Variants in ZCCHC4 observed in about 807,000 individuals in gnomAD.
ZCCHC4 encodes rRNA N(6)-adenosine-methyltransferase ZCCHC4.
In ZCCHC4, 54 loss-of-function variants were observed where a neutral mutation model predicts 67.7. The ratio of observed to expected loss-of-function variants is 0.80; its 90% CI spans 0.64 to 1.00. The LOEUF is 1.00. ZCCHC4 is among the 50% of genes least tolerant of loss of function. The pLI is 0.00. For synonymous variants in ZCCHC4, 198 were observed against 213.5 expected (o/e 0.93, Z 0.63); for missense variants, 609 against 617.0 (o/e 0.99, Z 0.14).
intron 10 of ZCCHC4, 62 bp downstream of exon 10, chr4:25,362,363 G>A: frequency 8.8e-7 from 1 of 1,133,908 alleles, no homozygotes; most frequent in Non-Finnish European, 1.2e-6. Context: ...TAGTTTACTA[G>A]TTTTATTACT....
chr4:25,361,941 C>T lies in ZCCHC4; in HGVS notation c.1094C>T (p.Pro365Leu), dbSNP rs200115136. Residue 365 changes from proline (P) to leucine (L), a missense_variant, in exon 9 of 13, where the codon CCG becomes CTG. Transcript: ENST00000302874. ...CCCGTGCGTATTTTCACCAACATTC[C>T]GCCCAACAAAATAATCCTTCCTACT... Reference protein sequence around the residue: ...QSPVRIFTNIPPNKIILPTEE... With the variant: ...QSPVRIFTNILPNKIILPTEE... The T allele has an allele frequency of 1.3e-4, 211 of 1,613,924 alleles. No individual in the cohort carries two copies. The African/African-American group carries it at 2.4e-3, about 18-fold the overall frequency.
intron 3 of ZCCHC4, among the ~76,000 whole-genome samples, chr4:25,332,975 T>C (rs1167883316): frequency 2.0e-5 from 3 of 152,246 alleles, no homozygotes; most frequent in African/African-American, 4.8e-5. Context: ...TCAATTCTTA[T>C]GAAATTGCTG....
intron 1 of ZCCHC4, among the ~76,000 whole-genome samples, chr4:25,313,645 C>G (rs930640036): frequency 1.3e-5 from 2 of 152,080 alleles, no homozygotes; most frequent in African/African-American, 4.8e-5. Flanking sequence ...GGGGCCGAGG[C>G]GGGCTGATCG....
chr4:25,320,989 A>G (rs991292100), intron 3 of ZCCHC4, among the ~76,000 whole-genome samples: 1 of 152,032 alleles, frequency 6.6e-6, no homozygotes, highest in Non-Finnish European at 1.5e-5. Context: ...TGATTTTGCA[A>G]CTTCTGCCTT....
chr4:25,340,167 C>T (rs549875575), intron 5 of ZCCHC4, among the ~76,000 whole-genome samples: 3 of 152,272 alleles, frequency 2.0e-5, no homozygotes, highest in East Asian at 3.9e-4. Context: ...CGTGCCTGGC[C>T]TGCTAATTTT....
chr4:25,346,460 A>G (rs1309145756), intron 6 of ZCCHC4, among the ~76,000 whole-genome samples: 1 of 152,250 alleles, frequency 6.6e-6, no homozygotes, highest in African/African-American at 2.4e-5. Context: ...ATGCATATAT[A>G]TCAATTTTGT....
chr4:25,319,626 A>G (rs58964951), intron 3 of ZCCHC4, among the ~76,000 whole-genome samples: 12,069 of 152,116 alleles, frequency 0.079, 533 homozygotes, highest in South Asian at 0.11. Context: ...GAAAATATTC[A>G]GTGTCTTAAG....
At chr4:25,364,884 T>C in intron 11 of ZCCHC4, 138 bp from the exon 12 acceptor site, 1 of 1,200,934 alleles carries the variant, frequency 8.3e-7, no homozygotes, top group Non-Finnish European at 1.1e-6. Context: ...CTGGTCTCTT[T>C]AGCCAAACTA....
chr4:25,345,725 C>T, intron 6 of ZCCHC4, 105 bp downstream of exon 6: 1 of 737,528 alleles, frequency 1.4e-6, no homozygotes, highest in South Asian at 1.7e-5. Context: ...CAAATTGTGG[C>T]TGTTCTACCA....
chr4:25,344,980 T>G (rs570857494), intron 5 of ZCCHC4, among the ~76,000 whole-genome samples: 1 of 152,190 alleles, frequency 6.6e-6, no homozygotes, highest in East Asian at 1.9e-4. Context: ...TTTTTGTATT[T>G]TTTGTAGAGG....
At chr4:25,323,918 C>T (rs971418764) in intron 3 of ZCCHC4, among the ~76,000 whole-genome samples, 1 of 151,916 alleles carries the variant, frequency 6.6e-6, no homozygotes, top group Admixed American at 6.6e-5. Context: ...CTAGGGTCCC[C>T]AGACATCCAC....
At chr4:25,337,285 TAGTG>T (rs919124680) in intron 5 of ZCCHC4, among the ~76,000 whole-genome samples, 2 of 152,234 alleles carry the variant, frequency 1.3e-5, no homozygotes, top group Admixed American at 1.3e-4. Context: ...CTAGTTGAGA[TAGTG>T]AGCCTCACAC....
At chr4:25,352,312 C>T in intron 8 of ZCCHC4, 3 of 985,432 alleles carry the variant, frequency 3.0e-6, no homozygotes, top group Non-Finnish European at 3.6e-6. Flanking sequence ...CTTTTAAGTT[C>T]ATTCTGCTTT....
Position 25,338,668 on chromosome 4 carries a change from C to T in ZCCHC4, c.686+4680C>T, listed in dbSNP as rs550071970. On this transcript the variant is annotated intron_variant, in intron 5 of 12. Transcript: ENST00000302874. ...TAATACTCTGTGTGGCCTTTTGTGT[C>T]AGACTTCTTTCACTTAGCATAAAGT... Among the ~76,000 whole-genome samples, 14 of 152,284 alleles carry T rather than the reference C, an allele frequency of 9.2e-5. No individual in the cohort carries two copies. The South Asian group carries it at 2.9e-3, about 32-fold the overall frequency.
chr4:25,362,427 T>C (rs1002924255), intron 10 of ZCCHC4, 126 bp downstream of exon 10: 1 of 533,574 alleles, frequency 1.9e-6, no homozygotes, highest in African/African-American at 1.9e-5. Flanking sequence ...TATCATTTAT[T>C]AATTATGCTA....
chr4:25,355,116 C>T (rs533043268), intron 8 of ZCCHC4, among the ~76,000 whole-genome samples: 2 of 152,154 alleles, frequency 1.3e-5, no homozygotes, highest in Non-Finnish European at 2.9e-5. Flanking sequence ...AAACAGTCAT[C>T]AAAGACCTAG....
intron 3 of ZCCHC4, among the ~76,000 whole-genome samples, chr4:25,331,967 A>C (rs2109063116): frequency 6.6e-6 from 1 of 152,348 alleles, no homozygotes; most frequent in East Asian, 1.9e-4. Flanking sequence ...ATTACATGTT[A>C]AGCTCACAGT....
intron 3 of ZCCHC4, among the ~76,000 whole-genome samples, chr4:25,329,007 C>A (rs1414789819): frequency 1.3e-5 from 2 of 151,810 alleles, no homozygotes; most frequent in African/African-American, 4.8e-5. Flanking sequence ...GACAGCATGG[C>A]AAAACCCTGT....
chr4:25,338,738 C>CT (rs1488594524), intron 5 of ZCCHC4, among the ~76,000 whole-genome samples: 5 of 152,234 alleles, frequency 3.3e-5, no homozygotes, highest in African/African-American at 1.2e-4. Flanking sequence ...TACTTCATTC[C>CT]TTTTTTTGGC....
Sources: gnomAD v4.1 joint callset for allele counts (sites outside exome capture counted in the v4.1 genomes callset) on GRCh38, gnomAD v4.1.1 for gene constraint, MANE v1.5 for transcripts, NCBI Gene and HGNC (gene_info 2026-07-23, HGNC 2026-07-21) for gene names.